NEMP2: variants seen among roughly 807,000 people sequenced by gnomAD.
NEMP2 encodes the protein UPF0571 transmembrane protein.
Under a neutral mutation model 54.2 loss-of-function variants are expected in NEMP2, and 53 were observed. That is an observed-to-expected ratio of 0.98 (90% CI 0.78 to 1.23). The LOEUF (loss-of-function observed/expected upper bound fraction) is 1.23. Among genes scored for constraint, NEMP2 ranks in the 50% most tolerant of loss-of-function variants. The pLI is 0.00. For synonymous variants in NEMP2, 197 were observed against 190.3 expected, an observed-to-expected ratio of 1.04 and a Z score of -0.29; for missense variants, 455 against 511.3, an observed-to-expected ratio of 0.89 and a Z score of 1.06.
At chr2:190,484,497 T>G in the NEMP2 span, among the ~76,000 whole-genome samples, 1 of 152,200 alleles carries the variant, frequency 6.6e-6, no homozygotes, top group Non-Finnish European at 1.5e-5. Context: ...TCCTAAGACT[T>G]CCTAAATCTT....
chr2:190,498,819 G>T, the NEMP2 span, among the ~76,000 whole-genome samples: 16 of 152,208 alleles, frequency 1.1e-4, no homozygotes, highest in African/African-American at 3.6e-4. This position sits in a 1 kb window ranked among gnomAD's most constrained non-coding sequence, Gnocchi z 5.9. Flanking sequence ...TAAAATTTTT[G>T]ATGTGGCGCT....
At chr2:190,465,543 C>T in the NEMP2 span, among the ~76,000 whole-genome samples, 16 of 152,164 alleles carry the variant, frequency 1.1e-4, no homozygotes, top group African/African-American at 3.9e-4. This position sits in a 1 kb window ranked among gnomAD's most constrained non-coding sequence, Gnocchi z 4.6. Flanking sequence ...AACATATGCT[C>T]ATATTCAGCA....
rs1320062757 is a variant in NEMP2 at position 190,509,910 on chromosome 2, C to T, written c.1130+451G>A. ...AAAATTAGCCGGGCATGGTGGCGCCCGCGCCTTGTAATCCCAGCTACTCAA... is the reference window on the plus strand; with the variant it reads ...AAAATTAGCCGGGCATGGTGGCGCCTGCGCCTTGTAATCCCAGCTACTCAA... On this transcript the variant is annotated intron_variant, in intron 8 of 8. Coordinates refer to ENST00000409150, the MANE Select transcript of NEMP2 (RefSeq NM_001142645.2). This position sits in a 1 kb window ranked among gnomAD's most constrained non-coding sequence, Gnocchi z 6.1. Among the ~76,000 whole-genome samples, 2 of 152,170 alleles carry T rather than the reference C, an allele frequency of 1.3e-5. No homozygotes were observed. Among genetic ancestry groups the T allele is most frequent in the African/African-American group, 4.8e-5 (2 of 41,452 alleles).
At chr2:190,499,887 C>T (rs1689935064), downstream of NEMP2, 1 of 1,561,078 alleles carries the variant, frequency 6.4e-7, no homozygotes, top group East Asian at 2.4e-5. This position sits in a 1 kb window ranked among gnomAD's most constrained non-coding sequence, Gnocchi z 6.0. Context: ...TCCTCTATTA[C>T]TTGGTCCCTG....
chr2:190,564,261 T>C, the NEMP2 span, among the ~76,000 whole-genome samples: 1 of 152,236 alleles, frequency 6.6e-6, no homozygotes, highest in Non-Finnish European at 1.5e-5. This position sits in a 1 kb window ranked among gnomAD's most constrained non-coding sequence, Gnocchi z 4.2. Context: ...GCTTTTTAAA[T>C]ATCATAACTA....
At chr2:190,450,055 A>G in the NEMP2 span, among the ~76,000 whole-genome samples, 1 of 152,120 alleles carries the variant, frequency 6.6e-6, no homozygotes, top group South Asian at 2.1e-4. Context: ...AGAAATCAAG[A>G]TACCAAAAAG....
At chr2:190,442,143 TA>T in the NEMP2 span, among the ~76,000 whole-genome samples, 1 of 152,202 alleles carries the variant, frequency 6.6e-6, no homozygotes, top group South Asian at 2.1e-4. Flanking sequence ...TTTACCACAA[TA>T]AAAATGTTTT....
At chr2:190,567,619 G>A in the NEMP2 span, among the ~76,000 whole-genome samples, 28 of 152,214 alleles carry the variant, frequency 1.8e-4, no homozygotes, top group African/African-American at 6.0e-4. The surrounding 1 kb of genome is among the most constrained non-coding windows in gnomAD (Gnocchi z 4.0). Context: ...AGCAATGAAC[G>A]ATGCCTTAAG....
the NEMP2 span, among the ~76,000 whole-genome samples, chr2:190,447,079 A>G: frequency 6.8e-6 from 1 of 146,052 alleles, no homozygotes; most frequent in Non-Finnish European, 1.6e-5. This position sits in a 1 kb window ranked among gnomAD's most constrained non-coding sequence, Gnocchi z 4.5. Flanking sequence ...TCTCTGATTC[A>G]TAGGCTCAGT....
At chr2:190,566,952 G>A in the NEMP2 span, among the ~76,000 whole-genome samples, 105 of 151,510 alleles carry the variant, frequency 6.9e-4, no homozygotes, top group Admixed American at 3.3e-3. Context: ...AATATAAGTC[G>A]GCAAAAAAAT....
At chr2:190,432,824 C>A in the NEMP2 span, among the ~76,000 whole-genome samples, 1 of 151,460 alleles carries the variant, frequency 6.6e-6, no homozygotes, top group Non-Finnish European at 1.5e-5. Flanking sequence ...CCACCCCCGC[C>A]CCCCAACACA....
chr2:190,576,873 G>A, the NEMP2 span, among the ~76,000 whole-genome samples: 66 of 152,186 alleles, frequency 4.3e-4, no homozygotes, highest in Non-Finnish European at 6.8e-4. Context: ...GCACTTTATA[G>A]GCAAAGAGGA....
rs1690153218 is a variant in NEMP2 at position 190,504,975 on chromosome 2, T to C, written c.*4214A>G. The C allele has an allele frequency of 6.6e-6, 1 of 152,196 alleles. No homozygotes were observed. The highest frequency in any genetic ancestry group is 2.4e-5 in the African/African-American group (1 of 41,458). 9.4% of individuals were successfully genotyped at this position (152,196 alleles called of 1,614,324 possible). A position where few individuals can be genotyped will look rare whatever the true frequency, so the allele number is the denominator to read the frequency against. On this transcript the variant is annotated 3_prime_UTR_variant, in exon 9 of 9. Coordinates refer to ENST00000409150, the MANE Select transcript of NEMP2 (RefSeq NM_001142645.2). This position sits in a 1 kb window ranked among gnomAD's most constrained non-coding sequence, Gnocchi z 5.6. ...GTATGTCTTTTCTTTCAAAGATTATTTCATTTTTCTAATAATTTAGTGTAT... is the reference window on the plus strand; with the variant it reads ...GTATGTCTTTTCTTTCAAAGATTATCTCATTTTTCTAATAATTTAGTGTAT...
the NEMP2 span, among the ~76,000 whole-genome samples, chr2:190,613,225 G>C: frequency 0.022 from 3,274 of 152,106 alleles, 118 homozygotes; most frequent in African/African-American, 0.073. Flanking sequence ...TCCTTTCCCA[G>C]GATGAACTTT....
In NEMP2 at chr2:190,510,386, C is replaced by G. The variant is rs1427699176; in HGVS notation, c.1105G>C (p.Val369Leu). The change falls in exon 8 of 9, where the codon GTC (valine) becomes CTC (leucine). Residue 369 changes from valine to leucine, a missense_variant. Val to Leu is a conservative substitution (Grantham distance 32, BLOSUM62 1). Transcript: ENST00000409150. The surrounding 1 kb of genome is among the most constrained non-coding windows in gnomAD (Gnocchi z 5.7). ...TTGCTAGGAGTGTGGAGTCTGGAGACGACCAGCCATGAGGGAAAGTCGGGT... is the reference window on the plus strand; with the variant it reads ...TTGCTAGGAGTGTGGAGTCTGGAGAGGACCAGCCATGAGGGAAAGTCGGGT... ...RKPDFPSWLV[V>L]SRLHTPSKFA... 2 of 1,551,670 alleles carry G rather than the reference C, an allele frequency of 1.3e-6. No individual in the cohort carries two copies. Among genetic ancestry groups the G allele is most frequent in the East Asian group, 4.9e-5 (2 of 40,912 alleles).
chr2:190,517,589 C>A lies in NEMP2; in HGVS notation c.543G>T (p.Ser181=). The change falls in exon 5 of 9, where the codon TCG becomes TCT. Residue 181 remains serine (S), a synonymous_variant. Coordinates refer to ENST00000409150, the MANE Select transcript of NEMP2 (RefSeq NM_001142645.2). ...TCATTAGAACACCTAGCACAGTTCC[C>A]GAGGAGTAATAGAAAGTAGGGCTTC... ...LSQSPTFYYS[S]GTVLGVLMTL... 1 of 1,548,958 alleles carries A rather than the reference C, an allele frequency of 6.5e-7. No individual in the cohort carries two copies. Among genetic ancestry groups the A allele is most frequent in the Non-Finnish European group, 8.7e-7 (1 of 1,145,982 alleles).
chr2:190,563,542 T>G, the NEMP2 span, among the ~76,000 whole-genome samples: 2 of 152,018 alleles, frequency 1.3e-5, no homozygotes, highest in Non-Finnish European at 2.9e-5. This position sits in a 1 kb window ranked among gnomAD's most constrained non-coding sequence, Gnocchi z 4.3. Flanking sequence ...GATTATTTTT[T>G]CAATACTTCC....
At chr2:190,624,868 T>C in the NEMP2 span, 1 of 152,172 alleles carries the variant, frequency 6.6e-6, no homozygotes, top group Non-Finnish European at 1.5e-5. Flanking sequence ...TTCTCAACCA[T>C]ATTAGTTATT....
At chr2:190,463,992 GA>G in the NEMP2 span, 4 of 706,722 alleles carry the variant, frequency 5.7e-6, no homozygotes, top group Non-Finnish European at 6.9e-6. This position sits in a 1 kb window ranked among gnomAD's most constrained non-coding sequence, Gnocchi z 4.4. Flanking sequence ...TTTTCATTAG[GA>G]AATCTAGTAA....
Sources: gnomAD v4.1 joint callset for allele counts (sites outside exome capture counted in the v4.1 genomes callset) on GRCh38, gnomAD v4.1.1 for gene constraint, Gnocchi (gnomAD v3.1) non-coding constraint, MANE v1.5 for transcripts, NCBI Gene and HGNC (gene_info 2026-07-23, HGNC 2026-07-21) for gene names.